Variants in IL17RE observed in about 807,000 individuals in gnomAD.
The protein encoded by IL17RE is interleukin-17 receptor E.
A neutral mutation model predicts 70.7 loss-of-function variants in IL17RE; 47 were observed. That is an observed-to-expected ratio of 0.67 (90% CI 0.53 to 0.85). The LOEUF (loss-of-function observed/expected upper bound fraction) is 0.85, where lower values mean the gene tolerates loss of function less well. Ranked by LOEUF, IL17RE falls within the 40% of genes least tolerant of loss-of-function variation. The probability of loss-of-function intolerance (pLI) is 0.00; values close to 1 mark genes in which losing one functional copy is unlikely to be tolerated. For synonymous variants in IL17RE, 372 were observed against 381.2 expected, an observed-to-expected ratio of 0.98 and a Z score of 0.28; for missense variants, 850 against 893.9, an observed-to-expected ratio of 0.95 and a Z score of 0.63.
Position 9,914,796 on chromosome 3 carries a change from A to G in IL17RE, c.1447+19A>G, listed in dbSNP as rs1296860915. On this transcript the variant is annotated intron_variant, in intron 15 of 15. Transcript: ENST00000383814. ...CAGTCAGGTAAGCTCACCTGGGGTA[A>G]CCTGGGAAGTCAGACCTGCCCAGCT... is the stretch of plus-strand genomic sequence containing the variant. 1.2e-6 allele frequency: 2 copies of G among 1,608,636 alleles called. No individual in the cohort carries two copies. The highest frequency in any genetic ancestry group is 8.5e-7 in the Non-Finnish European group (1 of 1,176,466).
chr3:9,909,747 G>A (rs2082847696), intron 8 of IL17RE: 1 of 157,442 alleles, frequency 6.4e-6, no homozygotes, highest in Non-Finnish European at 1.4e-5. Context: ...TGTTCTCAAG[G>A]AGAGGCAGGA....
intron 7 of IL17RE, among the ~76,000 whole-genome samples, chr3:9,908,562 C>A (rs577418274): frequency 2.0e-5 from 3 of 152,316 alleles, no homozygotes; most frequent in African/African-American, 7.2e-5. Flanking sequence ...CTGGCCCAGA[C>A]CTGGCCTCAG....
At chr3:9,906,510 G>A (rs1247389006) in intron 4 of IL17RE, 49 bp downstream of exon 4, 1 of 1,462,348 alleles carries the variant, frequency 6.8e-7, no homozygotes, top group East Asian at 2.3e-5. Context: ...ACAGACCTTT[G>A]CTTTCTGGCC....
intron 12 of IL17RE, 197 bp downstream of exon 12, chr3:9,911,794 T>C: frequency 2.1e-6 from 1 of 482,022 alleles, no homozygotes; most frequent in Non-Finnish European, 3.6e-6. Context: ...CATTTTCTTT[T>C]TTTTCTTTTT....
Position 9,915,270 on chromosome 3 carries a change from A to C in IL17RE, c.1467A>C (p.Pro489=). The C allele has an allele frequency of 7.1e-7, 1 of 1,399,684 alleles. No individual in the cohort carries two copies. Among genetic ancestry groups the C allele is most frequent in the East Asian group, 2.9e-5 (1 of 34,264 alleles). The allele number at this position is 1,399,684 out of a possible 1,614,324, so 86.7% of individuals were successfully genotyped here. The part of the protein sequence containing the change: ...RPQSGPGPAR[P]VLLLHAADSE... The stretch of plus-strand genomic sequence containing the variant: ...CACCAGGCCCGGGCCCAGCGCGGCC[A>C]GTGCTCCTCCTGCACGCGGCGGACT... The change falls in exon 16 of 16, where the codon CCA becomes CCC. Residue 489 remains proline, a synonymous_variant. Transcript: ENST00000383814. This position sits in a 1 kb window ranked among gnomAD's most constrained non-coding sequence, Gnocchi z 4.9.
chr3:9,914,531 G>A lies in IL17RE; in HGVS notation c.1297-17G>A, dbSNP rs756084793. 1.9e-6 allele frequency: 3 copies of A among 1,613,714 alleles called. No homozygotes were observed. In the Admixed American group the frequency reaches 5.0e-5, roughly 27 times the overall value. On this transcript the variant is annotated splice_polypyrimidine_tract_variant and intron_variant, in intron 13 of 15. Coordinates refer to ENST00000383814, the MANE Select transcript of IL17RE (RefSeq NM_153480.2). ...AAGATGCCTGGCTCATAGGGGTGGG[G>A]GGCTCTGTGCCCTCAGGTGTGGCGG...
rs1213709206 is a variant in IL17RE at position 9,906,995 on chromosome 3, C to T, written c.561C>T (p.Ala187=). ...PEFSFDLLPE[A]RAIRVTISSG... The stretch of plus-strand genomic sequence containing the variant: ...TCTCCTTTGATTTGCTGCCTGAGGC[C>T]CGGGCTATTCGGGTGACCATATCTT... The change falls in exon 6 of 16, where the codon GCC becomes GCT. Residue 187 remains alanine, a synonymous_variant. Coordinates refer to ENST00000383814, the MANE Select transcript of IL17RE (RefSeq NM_153480.2). 13 of 1,614,032 alleles carry T rather than the reference C, an allele frequency of 8.1e-6. No homozygotes were observed. Among genetic ancestry groups the T allele is most frequent in the Non-Finnish European group, 1.1e-5 (13 of 1,180,044 alleles).
At chr3:9,908,141 G>T in intron 6 of IL17RE, 98 bp from the exon 7 acceptor site, 1 of 927,100 alleles carries the variant, frequency 1.1e-6, no homozygotes, top group East Asian at 2.4e-5. Flanking sequence ...GGAAAAACAG[G>T]GTGTGTTGGC....
Position 9,902,879 on chromosome 3 carries a change from C to T in IL17RE, c.-54C>T, listed in dbSNP as rs2082667396. ...GCTGCTGCACAGCAAGGCCCTGCCA[C>T]CCACCTTCAGGCCATGCAGCCATGT... is the stretch of plus-strand genomic sequence containing the variant. On this transcript the variant is annotated 5_prime_UTR_variant, in exon 1 of 16. Transcript: ENST00000383814. The T allele has an allele frequency of 1.2e-6, 2 of 1,613,710 alleles. No homozygotes were observed. Among genetic ancestry groups the T allele is most frequent in the Non-Finnish European group, 1.7e-6 (2 of 1,179,860 alleles).
At chr3:9,910,828 G>A (rs1331191571) in intron 8 of IL17RE, 37 bp from the exon 9 acceptor site, 2 of 1,599,436 alleles carry the variant, frequency 1.3e-6, no homozygotes, top group Non-Finnish European at 8.5e-7. Context: ...GCTGAAGCAG[G>A]GCTGACCCTC....
At chr3:9,913,230 C>T (rs929465230) in intron 12 of IL17RE, among the ~76,000 whole-genome samples, 63 of 151,948 alleles carry the variant, frequency 4.1e-4, no homozygotes, top group African/African-American at 1.4e-3. Context: ...CATGGCAAAA[C>T]CCGTCTCTAC....
rs1365728559 is a variant in IL17RE at position 9,915,850 on chromosome 3, AACGGAC to A, written c.*46_*51del. The A allele has an allele frequency of 6.8e-7, 1 of 1,459,880 alleles. No individual in the cohort carries two copies. The highest frequency in any genetic ancestry group is 8.9e-7 in the Non-Finnish European group (1 of 1,117,788). 90.4% of individuals were successfully genotyped at this position (1,459,880 alleles called of 1,614,324 possible). A position where few individuals can be genotyped will look rare whatever the true frequency, so the allele number is the denominator to read the frequency against. On this transcript the variant is annotated 3_prime_UTR_variant, in exon 16 of 16. Transcript: ENST00000383814. The surrounding 1 kb of genome is among the most constrained non-coding windows in gnomAD (Gnocchi z 4.9). ...TCCCGGGTGTCTGCGGCCGCAACGCAACGGACACTGGCTGGAACCCCGGAATGAGCC... is the reference window on the plus strand; with the variant it reads ...TCCCGGGTGTCTGCGGCCGCAACGCAACTGGCTGGAACCCCGGAATGAGCC...
chr3:9,908,466 A>T (rs1417850840), intron 7 of IL17RE, among the ~76,000 whole-genome samples, 159 bp downstream of exon 7: 1 of 152,254 alleles, frequency 6.6e-6, no homozygotes, highest in Non-Finnish European at 1.5e-5. Context: ...TGAGCCACAC[A>T]TGGGGTCAGA....
chr3:9,907,387 A>AATT (rs2125078467), intron 6 of IL17RE, among the ~76,000 whole-genome samples: 1 of 150,506 alleles, frequency 6.6e-6, no homozygotes, highest in South Asian at 2.1e-4. Flanking sequence ...ATAAATAAAT[A>AATT]AATTAATTAA....
At chr3:9,905,895 C>A (rs943064959) in intron 3 of IL17RE, among the ~76,000 whole-genome samples, 13 of 152,174 alleles carry the variant, frequency 8.5e-5, no homozygotes, top group African/African-American at 2.4e-5. Flanking sequence ...AGAAATTAAT[C>A]TTTTCTTGAT....
In IL17RE at chr3:9,911,470, T is replaced by C. The variant is rs2125088386; in HGVS notation, c.1100T>C (p.Met367Thr). Residue 367 changes from methionine to threonine, a missense_variant, in exon 12 of 16, where the codon ATG (methionine) becomes ACG (threonine). Met to Thr is a moderately conservative substitution (Grantham distance 81). Coordinates refer to ENST00000383814, the MANE Select transcript of IL17RE (RefSeq NM_153480.2). ...TGSLTSWNVS[M>T]DTQAQQLILH... ...TCTCTCACATCCTGGAATGTAAGCA[T>C]GGATACCCAAGCCCAGCAGCTGATT... 1.2e-6 allele frequency: 2 copies of C among 1,614,176 alleles called. No individual in the cohort carries two copies. The highest frequency in any genetic ancestry group is 3.3e-4 in the Middle Eastern group (2 of 6,062).
chr3:9,910,230 G>A (rs903410814), intron 8 of IL17RE: 1 of 152,326 alleles, frequency 6.6e-6, no homozygotes, highest in Non-Finnish European at 1.5e-5. Context: ...AGCCGGGCAT[G>A]GTGATGCGCG....
At chr3:9,906,539 C>A in intron 4 of IL17RE, 78 bp downstream of exon 4, 1 of 1,377,542 alleles carries the variant, frequency 7.3e-7, no homozygotes, top group Non-Finnish European at 1.0e-6. Flanking sequence ...GGTTCTCCAG[C>A]CATGTGAGAC....
At position 9,915,169 on chromosome 3, in the gene IL17RE, A is replaced by G. The variant is rs2082991240; in HGVS notation, c.1448-82A>G. On this transcript the variant is annotated intron_variant, in intron 15 of 15. Coordinates refer to ENST00000383814, the MANE Select transcript of IL17RE (RefSeq NM_153480.2). This position sits in a 1 kb window ranked among gnomAD's most constrained non-coding sequence, Gnocchi z 4.9. The stretch of plus-strand genomic sequence containing the variant: ...GCGGGGGCGGAGAGGCGAGCACCCT[A>G]CGGTATCCCGAGAGGGTGGGGAGAA... 2.2e-6 allele frequency: 3 copies of G among 1,339,328 alleles called. No homozygotes were observed. The highest frequency in any genetic ancestry group is 7.4e-5 in the Admixed American group (2 of 27,108). 83.0% of individuals were successfully genotyped at this position (1,339,328 alleles called of 1,614,324 possible).
Sources: gnomAD v4.1 joint callset for allele counts (sites outside exome capture counted in the v4.1 genomes callset) on GRCh38, gnomAD v4.1.1 for gene constraint, Gnocchi (gnomAD v3.1) non-coding constraint, MANE v1.5 for transcripts, NCBI Gene and HGNC (gene_info 2026-07-23, HGNC 2026-07-21) for gene names.